The following TCF4 variants were observed in gnomAD, a reference collection of about 807,000 sequenced individuals.
TCF4 encodes the protein SL3-3 enhancer factor 2.
A neutral mutation model predicts 82.1 loss-of-function variants in TCF4; 3 were observed. That is an observed-to-expected ratio of 0.04 (90% confidence interval 0.02 to 0.09). TCF4 has a LOEUF of 0.09. TCF4 is among the 10% of genes least tolerant of loss of function. The probability of loss-of-function intolerance (pLI) is 1.00; values close to 1 mark genes in which losing one functional copy is unlikely to be tolerated. For missense variants in TCF4, 518 were observed against 852.7 expected, an observed-to-expected ratio of 0.61 and a Z score of 4.89; for synonymous variants, 276 against 309.6, an observed-to-expected ratio of 0.89 and a Z score of 1.14.
rs149962627 is a variant in TCF4, at chr18:55,350,676, A to G, written c.499+198T>C. ...GAAAACTAGACATAAGCAGACACCA[A>G]AAAAGTTCTGCTACCATAAGCTGTT... On this transcript the variant is annotated intron_variant, in intron 7 of 19. Coordinates refer to ENST00000354452, the MANE Select transcript of TCF4 (RefSeq NM_001083962.2). 1.5e-3 allele frequency among the ~76,000 whole-genome samples: 223 copies of G among 152,124 alleles called. 2 individuals are homozygous for G. The highest frequency in any genetic ancestry group is 4.4e-3 in the African/African-American group (181 of 41,516).
At chr18:55,566,686 A>ATCTCCTGACCTC in intron 3 of TCF4, among the ~76,000 whole-genome samples, 1 of 152,196 alleles carries the variant, frequency 6.6e-6, no homozygotes, top group East Asian at 1.9e-4. Flanking sequence ...AATTACCCAG[A>ATCTCCTGACCTC]ATGCAGCAGA....
chr18:55,609,653 A>G (rs2097705322), intron 2 of TCF4, among the ~76,000 whole-genome samples: 1 of 152,238 alleles, frequency 6.6e-6, no homozygotes, highest in Admixed American at 6.5e-5. Flanking sequence ...AACATGTCAT[A>G]ACCCTGAAGA....
chr18:55,614,136 C>T (rs1365416135), intron 2 of TCF4, among the ~76,000 whole-genome samples: 1 of 152,198 alleles, frequency 6.6e-6, no homozygotes, highest in Non-Finnish European at 1.5e-5. Context: ...CTCAAGTGAG[C>T]CTCCCGCCTT....
At chr18:55,601,745 C>T (rs1400275468) in intron 2 of TCF4, among the ~76,000 whole-genome samples, 2 of 152,152 alleles carry the variant, frequency 1.3e-5, no homozygotes, top group Non-Finnish European at 2.9e-5. Flanking sequence ...GATCATGCCA[C>T]TGCACTCCAG....
chr18:55,526,030 C>T (rs1323090798), intron 3 of TCF4, among the ~76,000 whole-genome samples: 1 of 152,198 alleles, frequency 6.6e-6, no homozygotes, highest in Non-Finnish European at 1.5e-5. Flanking sequence ...CCAGCATTGA[C>T]ATCAGGCATC....
intron 5 of TCF4, among the ~76,000 whole-genome samples, chr18:55,456,279 C>A (rs1219402701): frequency 6.6e-6 from 1 of 152,188 alleles, no homozygotes; most frequent in Non-Finnish European, 1.5e-5. Flanking sequence ...TCTAATCCAG[C>A]AGAAAAATGT....
intron 2 of TCF4, 47 bp downstream of exon 2, chr18:55,586,998 T>A: frequency 6.4e-7 from 1 of 1,565,506 alleles, no homozygotes; most frequent in South Asian, 1.1e-5. Flanking sequence ...TGGGTTTTTG[T>A]TTTGTTTTTT....
At chr18:55,537,808 G>A (rs1028234987) in intron 3 of TCF4, among the ~76,000 whole-genome samples, 2 of 152,084 alleles carry the variant, frequency 1.3e-5, no homozygotes, top group African/African-American at 4.8e-5. Flanking sequence ...CAAAGGGACA[G>A]GCTATTGAGG....
chr18:55,634,005 A>G (rs542735047), intron 1 of TCF4, among the ~76,000 whole-genome samples: 1 of 152,344 alleles, frequency 6.6e-6, no homozygotes, highest in Admixed American at 6.5e-5. Flanking sequence ...GCAGTGGCTC[A>G]CACCTGTAAT....
intron 3 of TCF4, among the ~76,000 whole-genome samples, chr18:55,560,918 T>C (rs913524742): frequency 1.3e-5 from 2 of 152,248 alleles, no homozygotes; most frequent in African/African-American, 2.4e-5. Flanking sequence ...GATTTTCCTA[T>C]AGAAATGTAT....
intron 2 of TCF4, among the ~76,000 whole-genome samples, chr18:55,619,991 T>C (rs1487485630): frequency 1.3e-5 from 2 of 152,150 alleles, no homozygotes; most frequent in African/African-American, 4.8e-5. Context: ...GTGAAAGCAA[T>C]TGAACTGTGG....
At chr18:55,558,022 T>C (rs969627014) in intron 3 of TCF4, among the ~76,000 whole-genome samples, 3 of 151,982 alleles carry the variant, frequency 2.0e-5, no homozygotes, top group African/African-American at 4.8e-5. Flanking sequence ...CTGGGCAACA[T>C]AGTTTGATTC....
intron 10 of TCF4, among the ~76,000 whole-genome samples, chr18:55,272,489 C>T (rs2146037413): frequency 6.6e-6 from 1 of 152,162 alleles, no homozygotes; most frequent in South Asian, 2.1e-4. Context: ...ACTATTCGTT[C>T]ATTTTAACTT....
chr18:55,438,958 A>C (rs539464583), intron 5 of TCF4, among the ~76,000 whole-genome samples: 3 of 152,336 alleles, frequency 2.0e-5, no homozygotes, highest in Non-Finnish European at 4.4e-5. Flanking sequence ...TAGTAAGCCC[A>C]GTTTTGCTGA....
At chr18:55,491,887 A>C (rs1817654458) in intron 3 of TCF4, among the ~76,000 whole-genome samples, 1 of 152,200 alleles carries the variant, frequency 6.6e-6, no homozygotes, top group African/African-American at 2.4e-5. Flanking sequence ...AGCAGTAGAC[A>C]GAGAAAATGA....
chr18:55,547,527 CATT>C (rs2097217149), intron 3 of TCF4, among the ~76,000 whole-genome samples: 1 of 152,196 alleles, frequency 6.6e-6, no homozygotes, highest in Non-Finnish European at 1.5e-5. Flanking sequence ...TATTTACACT[CATT>C]GTGTGAAGAG....
chr18:55,337,673 C>A (rs891336262), intron 8 of TCF4, among the ~76,000 whole-genome samples: 1 of 152,088 alleles, frequency 6.6e-6, no homozygotes, highest in African/African-American at 2.4e-5. Flanking sequence ...ATGAGGGGTG[C>A]GGAGTGGTGA....
intron 11 of TCF4, 96 bp downstream of exon 11, chr18:55,269,735 T>G: frequency 1.3e-6 from 2 of 1,486,462 alleles, no homozygotes; most frequent in Non-Finnish European, 1.9e-6. Context: ...ATTTAGTGCC[T>G]AATTGCTATT....
chr18:55,308,907 A>G (rs972211707), intron 8 of TCF4, among the ~76,000 whole-genome samples: 8 of 152,120 alleles, frequency 5.3e-5, no homozygotes, highest in Non-Finnish European at 7.4e-5. Context: ...TAATCCCTCA[A>G]TGCTTCCATT....
Sources: gnomAD v4.1 joint callset for allele counts (sites outside exome capture counted in the v4.1 genomes callset) on GRCh38, gnomAD v4.1.1 for gene constraint, MANE v1.5 for transcripts, NCBI Gene and HGNC (gene_info 2026-07-23, HGNC 2026-07-21) for gene names.